ALK: variants seen among roughly 807,000 people sequenced by gnomAD.
ALK encodes the protein ALK receptor tyrosine kinase.
Under a neutral mutation model 163.1 loss-of-function variants are expected in ALK, and 74 were observed. That is an observed-to-expected ratio of 0.45 (90% CI 0.38 to 0.55). ALK has a LOEUF of 0.55. Ranked by LOEUF, ALK falls within the 20% of genes least tolerant of loss-of-function variation. The pLI is 0.00. For synonymous variants in ALK, 960 were observed against 843.2 expected (o/e 1.14, Z -2.40); for missense variants, 2,063 against 2,105.3 (o/e 0.98, Z 0.39).
intron 1 of ALK, among the ~76,000 whole-genome samples, chr2:29,784,720 A>AACG (rs1169772201): frequency 1.3e-5 from 2 of 151,494 alleles, no homozygotes; most frequent in East Asian, 3.9e-4. Flanking sequence ...CAAAAACAAC[A>AACG]ACAACAACAA....
intron 1 of ALK, among the ~76,000 whole-genome samples, chr2:29,818,979 T>C (rs956025854): frequency 1.3e-5 from 2 of 152,182 alleles, no homozygotes; most frequent in African/African-American, 2.4e-5. Context: ...TTTACCACCA[T>C]ACCTGTGATC....
At chr2:29,581,594 A>C (rs924857366) in intron 3 of ALK, among the ~76,000 whole-genome samples, 5 of 151,968 alleles carry the variant, frequency 3.3e-5, no homozygotes, top group African/African-American at 1.2e-4. Flanking sequence ...GAGGCTGGGA[A>C]GGTGAAGTGT....
chr2:29,552,547 T>C lies in ALK; in HGVS notation c.953-20431A>G, dbSNP rs368847258. Among the ~76,000 whole-genome samples, 7 of 152,306 alleles carry C rather than the reference T, an allele frequency of 4.6e-5. No homozygotes were observed. The East Asian group carries it at 1.4e-3, about 29-fold the overall frequency. Reference sequence around the variant, plus strand: ...TACTTTAAAAAAATAATAGACAAACTAATGGATGCGAAGTGGTATCCCATG... The same window carrying C: ...TACTTTAAAAAAATAATAGACAAACCAATGGATGCGAAGTGGTATCCCATG... On this transcript the variant is annotated intron_variant, in intron 3 of 28. Coordinates refer to ENST00000389048, the MANE Select transcript of ALK (RefSeq NM_004304.5).
At chr2:29,704,213 G>C (rs1240304025) in intron 2 of ALK, among the ~76,000 whole-genome samples, 1 of 152,190 alleles carries the variant, frequency 6.6e-6, no homozygotes, top group Non-Finnish European at 1.5e-5. Context: ...CCAGAAATTA[G>C]CATTCTTAAA....
intron 4 of ALK, among the ~76,000 whole-genome samples, chr2:29,523,021 G>C (rs1474872981): frequency 6.6e-6 from 1 of 152,114 alleles, no homozygotes; most frequent in Non-Finnish European, 1.5e-5. Context: ...GCTGTCTGAG[G>C]ACTGCTTTTG....
chr2:29,561,902 T>G (rs1411630633), intron 3 of ALK, among the ~76,000 whole-genome samples: 1 of 152,120 alleles, frequency 6.6e-6, no homozygotes, highest in East Asian at 1.9e-4. Context: ...TTAACTATTC[T>G]GGGGTGGGGT....
At chr2:29,430,251 A>G (rs1167816539) in intron 4 of ALK, among the ~76,000 whole-genome samples, 1 of 152,204 alleles carries the variant, frequency 6.6e-6, no homozygotes, top group Non-Finnish European at 1.5e-5. Context: ...CCATCAGGAA[A>G]CTGAAAAGAT....
chr2:29,401,581 G>A (rs993542319), intron 4 of ALK, among the ~76,000 whole-genome samples: 8 of 152,106 alleles, frequency 5.3e-5, no homozygotes, highest in Admixed American at 4.6e-4. Flanking sequence ...GAGGTGGGTG[G>A]GGTATGATCC....
intron 3 of ALK, among the ~76,000 whole-genome samples, chr2:29,599,120 G>A (rs1675301992): frequency 6.6e-6 from 1 of 151,580 alleles, no homozygotes; most frequent in Non-Finnish European, 1.5e-5. Context: ...TTAAGAAACA[G>A]TGGCTGGTTT....
rs979997744 is a variant in ALK, at chr2:29,317,805, C to T, written c.1647+499G>A. Among the ~76,000 whole-genome samples, 8 of 65,084 alleles carry T rather than the reference C, an allele frequency of 1.2e-4. No individual in the cohort carries two copies. In the East Asian group the frequency reaches 1.8e-3, roughly 14 times the overall value. 42.7% of individuals were successfully genotyped at this position (65,084 alleles called of 152,430 possible). A position where few individuals can be genotyped will look rare whatever the true frequency, so the allele number is the denominator to read the frequency against. On this transcript the variant is annotated intron_variant, in intron 8 of 28. Transcript: ENST00000389048. Reference sequence around the variant, plus strand: ...TATGACTGTATGCTAAGGAACAGGGCGCCAGTCCCTCCACCCACACCAATG... The same window carrying T: ...TATGACTGTATGCTAAGGAACAGGGTGCCAGTCCCTCCACCCACACCAATG...
chr2:29,342,200 G>A (rs563632179), intron 5 of ALK, among the ~76,000 whole-genome samples: 2 of 152,322 alleles, frequency 1.3e-5, no homozygotes, highest in South Asian at 4.1e-4. Context: ...CTTGTGTGTT[G>A]TTGGTGGGAA....
At chr2:29,674,449 T>C (rs1013918188) in intron 3 of ALK, among the ~76,000 whole-genome samples, 1 of 149,958 alleles carries the variant, frequency 6.7e-6, no homozygotes, top group Non-Finnish European at 1.5e-5. Flanking sequence ...GTTTTTGTCT[T>C]TGGCTCTGTT....
chr2:29,893,168 C>G (rs947372640), intron 1 of ALK, among the ~76,000 whole-genome samples: 1 of 152,194 alleles, frequency 6.6e-6, no homozygotes, highest in African/African-American at 2.4e-5. Context: ...CACCCCTCCC[C>G]TTCCCTGGCC....
chr2:29,254,083 C>T (rs1207314780), intron 11 of ALK, among the ~76,000 whole-genome samples: 1 of 152,152 alleles, frequency 6.6e-6, no homozygotes, highest in Non-Finnish European at 1.5e-5. Flanking sequence ...GGGGCTTCCC[C>T]CTTCACTGGG....
intron 3 of ALK, among the ~76,000 whole-genome samples, chr2:29,534,498 G>A (rs897175790): frequency 5.3e-5 from 8 of 152,120 alleles, no homozygotes; most frequent in Admixed American, 5.2e-4. Flanking sequence ...ACAGTCCCAT[G>A]TCCAATAATA....
intron 5 of ALK, among the ~76,000 whole-genome samples, chr2:29,342,852 C>A (rs1468868349): frequency 6.6e-6 from 1 of 151,458 alleles, no homozygotes; most frequent in South Asian, 2.1e-4. Context: ...CTGAGCTAAC[C>A]CGACACGGCT....
chr2:29,702,871 G>A (rs1294516367), intron 2 of ALK, among the ~76,000 whole-genome samples: 1 of 152,242 alleles, frequency 6.6e-6, no homozygotes, highest in Admixed American at 6.5e-5. Flanking sequence ...CACTGGGTCT[G>A]TCCCATGACA....
chr2:29,824,528 G>A (rs1665141058), intron 1 of ALK, among the ~76,000 whole-genome samples: 1 of 152,256 alleles, frequency 6.6e-6, no homozygotes, highest in Non-Finnish European at 1.5e-5. Context: ...CCGAGGCTGT[G>A]GGAGCCCACC....
chr2:29,771,813 C>A (rs1369962421), intron 1 of ALK, among the ~76,000 whole-genome samples: 1 of 151,858 alleles, frequency 6.6e-6, no homozygotes, highest in East Asian at 1.9e-4. Context: ...GGATTACAGG[C>A]ATGAGCCACT....
Sources: gnomAD v4.1 joint callset for allele counts (sites outside exome capture counted in the v4.1 genomes callset) on GRCh38, gnomAD v4.1.1 for gene constraint, MANE v1.5 for transcripts, NCBI Gene and HGNC (gene_info 2026-07-23, HGNC 2026-07-21) for gene names.